The following PDE11A variants were observed in gnomAD, a reference collection of about 807,000 sequenced individuals.
PDE11A encodes the protein phosphodiesterase 11A.
Under a neutral mutation model 100.5 loss-of-function variants are expected in PDE11A, and 100 were observed. The observed-to-expected ratio is 1.00, with a 90% CI of 0.85 to 1.18. The LOEUF (loss-of-function observed/expected upper bound fraction) is 1.18, where lower values mean the gene tolerates loss of function less well. PDE11A is among the 50% of genes most tolerant of loss of function. The probability of loss-of-function intolerance (pLI) is 0.00; values close to 1 mark genes in which losing one functional copy is unlikely to be tolerated. For missense variants in PDE11A, 1,141 were observed against 1,152.6 expected, an observed-to-expected ratio of 0.99 and a Z score of 0.15; for synonymous variants, 381 against 420.8, an observed-to-expected ratio of 0.91 and a Z score of 1.16.
In PDE11A at chr2:177,885,739, C is replaced by T. The variant is rs192185455; in HGVS notation, c.1303-9816G>A. On this transcript the variant is annotated intron_variant, in intron 4 of 19. Transcript: ENST00000286063. ...TGCCCCAGAACAATCGGAGGATGCT[C>T]GCCCCATCTCTTCCCCTTGAGTGTA... 2.0e-5 allele frequency among the ~76,000 whole-genome samples: 3 copies of T among 152,238 alleles called. No homozygotes were observed. In the East Asian group the frequency reaches 5.8e-4, roughly 29 times the overall value.
intron 2 of PDE11A, among the ~76,000 whole-genome samples, chr2:178,091,779 T>TTG (rs1553507801): frequency 6.6e-6 from 1 of 151,896 alleles, no homozygotes; most frequent in Middle Eastern, 3.4e-3. Context: ...TGTAAGTGGG[T>TTG]GGGGGGGCTC....
chr2:177,942,295 G>C (rs2085353565), intron 2 of PDE11A, among the ~76,000 whole-genome samples: 1 of 152,152 alleles, frequency 6.6e-6, no homozygotes, highest in African/African-American at 2.4e-5. Context: ...AAAATGAAAT[G>C]AGATTAACCA....
At chr2:177,740,905 G>A (rs1326568294) in intron 10 of PDE11A, among the ~76,000 whole-genome samples, 5 of 152,214 alleles carry the variant, frequency 3.3e-5, no homozygotes, top group Non-Finnish European at 5.9e-5. Context: ...GGGATGCCAA[G>A]TGCATAACCT....
chr2:177,725,828 T>C (rs2105444904), intron 12 of PDE11A, among the ~76,000 whole-genome samples: 1 of 152,268 alleles, frequency 6.6e-6, no homozygotes, highest in East Asian at 1.9e-4. Flanking sequence ...ATTCCAACTA[T>C]TTTAAGGTTT....
At chr2:177,708,803 C>G (rs2081317629) in intron 13 of PDE11A, among the ~76,000 whole-genome samples, 1 of 152,194 alleles carries the variant, frequency 6.6e-6, no homozygotes, top group Non-Finnish European at 1.5e-5. Context: ...CAAGTACTGT[C>G]CATGCACTGT....
rs1311720596 is a variant in PDE11A, at chr2:177,623,658, C to T, written c.*5749G>A. Reference sequence around the variant, plus strand: ...AAAAATTGAGATTCGAATACACACGCATATACACACAGAAAATGAACACAG... The same window carrying T: ...AAAAATTGAGATTCGAATACACACGTATATACACACAGAAAATGAACACAG... On this transcript the variant is annotated 3_prime_UTR_variant, in exon 20 of 20. Coordinates refer to ENST00000286063, the MANE Select transcript of PDE11A (RefSeq NM_016953.4). 6.6e-6 allele frequency: 1 copy of T among 152,138 alleles called. No homozygotes were observed. 9.4% of individuals were successfully genotyped at this position (152,138 alleles called of 1,614,324 possible).
intron 17 of PDE11A, among the ~76,000 whole-genome samples, chr2:177,673,576 T>C (rs556709828): frequency 1.3e-5 from 2 of 152,226 alleles, no homozygotes; most frequent in South Asian, 4.1e-4. Flanking sequence ...TTAATCTGCA[T>C]CCAGATCTGT....
chr2:177,689,062 T>C (rs1050697784), intron 15 of PDE11A, among the ~76,000 whole-genome samples: 1 of 152,174 alleles, frequency 6.6e-6, no homozygotes, highest in African/African-American at 2.4e-5. Flanking sequence ...ATCATCACTG[T>C]AACTCTCCTC....
chr2:177,903,437 A>G (rs1181574472), intron 3 of PDE11A, among the ~76,000 whole-genome samples: 1 of 152,156 alleles, frequency 6.6e-6, no homozygotes, highest in Non-Finnish European at 1.5e-5. Flanking sequence ...TCTAATATGT[A>G]TTGTTCTCAT....
At chr2:177,896,997 T>G (rs1387422775) in intron 4 of PDE11A, among the ~76,000 whole-genome samples, 2 of 152,188 alleles carry the variant, frequency 1.3e-5, no homozygotes, top group African/African-American at 4.8e-5. Flanking sequence ...ATACAGATTT[T>G]AAAAGATACT....
chr2:177,729,948 C>T (rs1190041803), intron 10 of PDE11A, among the ~76,000 whole-genome samples: 1 of 151,628 alleles, frequency 6.6e-6, no homozygotes, highest in Non-Finnish European at 1.5e-5. Flanking sequence ...AAAGGCTTAT[C>T]ATTAGCTATA....
chr2:177,691,724 A>C (rs4893981), intron 15 of PDE11A, among the ~76,000 whole-genome samples: 121,102 of 151,942 alleles, frequency 0.8, 48,422 homozygotes, highest in Admixed American at 0.85. Flanking sequence ...GAGCTCCTTG[A>C]AGGCCCAGAG....
At chr2:177,974,367 C>T (rs202060006) in intron 2 of PDE11A, among the ~76,000 whole-genome samples, 2,181 of 41,862 alleles carry the variant, frequency 0.052, 63 homozygotes, top group African/African-American at 0.1. Context: ...TGAAATGAAG[C>T]GAGAAGGGAA....
intron 9 of PDE11A, among the ~76,000 whole-genome samples, chr2:177,799,976 G>T (rs1354637594): frequency 6.6e-6 from 1 of 152,130 alleles, no homozygotes; most frequent in Non-Finnish European, 1.5e-5. Flanking sequence ...CAGTGGTAAA[G>T]ATTTTACTGG....
At chr2:178,072,781 T>G (rs908213996), upstream of PDE11A, 13 of 1,248,152 alleles carry the variant, frequency 1.0e-5, no homozygotes, top group South Asian at 1.9e-4. Flanking sequence ...TGTAACCGGA[T>G]GAGTGGACCG....
intron 1 of PDE11A, among the ~76,000 whole-genome samples, chr2:178,043,870 T>C (rs1013014354): frequency 3.3e-4 from 50 of 152,214 alleles, no homozygotes; most frequent in African/African-American, 1.1e-3. Context: ...AACTAAGAGA[T>C]GCTTGAGTCT....
At chr2:177,903,218 C>T (rs200680059) in intron 3 of PDE11A, among the ~76,000 whole-genome samples, 58 of 152,308 alleles carry the variant, frequency 3.8e-4, no homozygotes, top group East Asian at 2.5e-3. Flanking sequence ...AAATGCTCTC[C>T]GCAGACCTTT....
intron 2 of PDE11A, among the ~76,000 whole-genome samples, chr2:177,933,309 T>C (rs749945660): frequency 6.6e-6 from 1 of 152,096 alleles, no homozygotes; most frequent in Non-Finnish European, 1.5e-5. Context: ...TCATTTTTCA[T>C]AGAATTGGAA....
At chr2:177,821,161 T>G (rs998731274) in intron 6 of PDE11A, among the ~76,000 whole-genome samples, 1 of 151,926 alleles carries the variant, frequency 6.6e-6, no homozygotes, top group African/African-American at 2.4e-5. Context: ...CACTTGAAAC[T>G]AAAAGTTAAT....
Sources: gnomAD v4.1 joint callset for allele counts (sites outside exome capture counted in the v4.1 genomes callset) on GRCh38, gnomAD v4.1.1 for gene constraint, MANE v1.5 for transcripts, NCBI Gene and HGNC (gene_info 2026-07-23, HGNC 2026-07-21) for gene names.